CTNNA3: variants seen among roughly 807,000 people sequenced by gnomAD.
CTNNA3 encodes catenin alpha 3.
In CTNNA3, 76 loss-of-function variants were observed where a neutral mutation model predicts 95.7. That is an observed-to-expected ratio of 0.79 (90% CI 0.66 to 0.96). The LOEUF (loss-of-function observed/expected upper bound fraction) is 0.96, where lower values mean the gene tolerates loss of function less well. Ranked by LOEUF, CTNNA3 falls within the 40% of genes least tolerant of loss-of-function variation. The pLI is 0.00. For missense variants in CTNNA3, 1,191 were observed against 1,089.8 expected (o/e 1.09, Z -1.31); for synonymous variants, 431 against 374.4 (o/e 1.15, Z -1.74).
intron 9 of CTNNA3, among the ~76,000 whole-genome samples, chr10:66,684,067 T>C (rs1026732780): frequency 8.5e-5 from 13 of 152,192 alleles, no homozygotes; most frequent in Non-Finnish European, 1.9e-4. Flanking sequence ...TGACTAATTA[T>C]CTAATTTACA....
intron 15 of CTNNA3, among the ~76,000 whole-genome samples, chr10:66,065,235 T>G (rs887463779): frequency 1.1e-4 from 16 of 140,644 alleles, no homozygotes; most frequent in Non-Finnish European, 1.9e-4. Context: ...AAATGGTTTT[T>G]TTTTGTTTTG....
intron 5 of CTNNA3, among the ~76,000 whole-genome samples, chr10:67,477,480 C>G (rs1378340968): frequency 2.0e-5 from 3 of 152,226 alleles, no homozygotes; most frequent in South Asian, 4.1e-4. Context: ...TGACCATAGC[C>G]AGCTTGTAGG....
chr10:66,611,430 A>G (rs1030488070), intron 10 of CTNNA3, among the ~76,000 whole-genome samples: 4 of 152,150 alleles, frequency 2.6e-5, no homozygotes, highest in African/African-American at 9.6e-5. Context: ...ATTAATAAAC[A>G]CACAAATAAA....
intron 7 of CTNNA3, among the ~76,000 whole-genome samples, chr10:66,803,138 T>C (rs1471516249): frequency 1.3e-5 from 2 of 152,056 alleles, no homozygotes; most frequent in East Asian, 3.9e-4. Context: ...GCAAAGGTGT[T>C]GCATCGTTTT....
chr10:66,887,828 T>G (rs1434938746), intron 7 of CTNNA3, among the ~76,000 whole-genome samples: 1 of 152,014 alleles, frequency 6.6e-6, no homozygotes. Context: ...TTCTCTGAGG[T>G]AGTGGAGTGC....
rs980508937 is a variant in CTNNA3 at position 67,741,573 on chromosome 10, C to T, written c.-2+21861G>A. 4.6e-5 allele frequency among the ~76,000 whole-genome samples: 7 copies of T among 151,018 alleles called. No individual in the cohort carries two copies. The East Asian group carries it at 5.8e-4, about 12-fold the overall frequency. On this transcript the variant is annotated intron_variant, in intron 1 of 17. Coordinates refer to the CTNNA3 transcript ENST00000684154. ...AAACATGCCAAATTCTAAAGACCAT[C>T]GAGGCTAGGAAGAAACTGCGTCAAC...
intron 2 of CTNNA3, among the ~76,000 whole-genome samples, chr10:67,620,903 ATGTGTG>A (rs1244995621): frequency 6.3e-5 from 8 of 126,364 alleles, no homozygotes; most frequent in African/African-American, 2.3e-4. Context: ...ATATATGTAT[ATGTGTG>A]TGTGTGTGTG....
chr10:67,747,160 G>A (rs2131744921), intron 1 of CTNNA3, among the ~76,000 whole-genome samples: 1 of 152,314 alleles, frequency 6.6e-6, no homozygotes, highest in Admixed American at 6.5e-5. Flanking sequence ...TGGGTGGGGT[G>A]GCCATGGTCT....
rs186049651 is a variant in CTNNA3, at chr10:66,713,642, G to A, written c.1281+52622C>T. On this transcript the variant is annotated intron_variant, in intron 9 of 17. Transcript: ENST00000433211. Reference sequence around the variant, plus strand: ...AGGTCCACCACAGAGTCTCATTCTTGCTGTTATGTCTGGACTGAACTCAGA... The same window carrying A: ...AGGTCCACCACAGAGTCTCATTCTTACTGTTATGTCTGGACTGAACTCAGA... Among the ~76,000 whole-genome samples, 1,357 of 152,038 alleles carry A rather than the reference G, an allele frequency of 8.9e-3. 14 individuals are homozygous for A. The highest frequency in any genetic ancestry group is 0.012 in the Non-Finnish European group (831 of 67,954).
chr10:66,872,157 C>G (rs957204632), intron 7 of CTNNA3, among the ~76,000 whole-genome samples: 4 of 152,160 alleles, frequency 2.6e-5, no homozygotes, highest in Non-Finnish European at 4.4e-5. Flanking sequence ...TCTTCATGAT[C>G]TTTGCTTATT....
chr10:66,007,060 AT>A (rs1407877166), intron 15 of CTNNA3, among the ~76,000 whole-genome samples: 2 of 152,150 alleles, frequency 1.3e-5, no homozygotes, highest in Non-Finnish European at 2.9e-5. Context: ...GCTATAGGTC[AT>A]TAAATTTTAG....
intron 5 of CTNNA3, among the ~76,000 whole-genome samples, chr10:67,236,174 G>C (rs1471135521): frequency 6.7e-6 from 1 of 148,962 alleles, no homozygotes; most frequent in African/African-American, 2.5e-5. Context: ...TATACCCAAA[G>C]GACTATAAAT....
At chr10:67,162,029 G>A (rs939681058) in intron 7 of CTNNA3, among the ~76,000 whole-genome samples, 8 of 151,898 alleles carry the variant, frequency 5.3e-5, no homozygotes, top group African/African-American at 1.7e-4. Flanking sequence ...TATAGATGAA[G>A]CAAAAACTGA....
intron 5 of CTNNA3, among the ~76,000 whole-genome samples, chr10:67,285,748 T>C (rs1203451649): frequency 6.6e-6 from 1 of 152,214 alleles, no homozygotes; most frequent in Admixed American, 6.5e-5. Context: ...TATGTTTTTA[T>C]ATAATTAATG....
intron 13 of CTNNA3, among the ~76,000 whole-genome samples, chr10:66,162,657 C>A (rs1460877553): frequency 6.6e-6 from 1 of 152,076 alleles, no homozygotes; most frequent in Non-Finnish European, 1.5e-5. Flanking sequence ...TAGCTTTGGT[C>A]ATTTAATGCT....
At chr10:66,957,744 C>T (rs146987085) in intron 7 of CTNNA3, among the ~76,000 whole-genome samples, 5 of 152,042 alleles carry the variant, frequency 3.3e-5, no homozygotes, top group South Asian at 4.2e-4. Flanking sequence ...ATGGCATCAC[C>T]ATCCTAAGGC....
chr10:67,114,709 G>GGTGTGTGTGTGTGTGTGTGTGTGT (rs56772381), intron 7 of CTNNA3, among the ~76,000 whole-genome samples: 1,527 of 144,768 alleles, frequency 0.011, 18 homozygotes, highest in African/African-American at 0.013. Context: ...GGTTCTTAAA[G>GGTGTGTGTGTGTGTGTGTGTGTGT]GTGTGTGTGT....
intron 16 of CTNNA3, among the ~76,000 whole-genome samples, chr10:65,986,246 CATAT>C (rs1414274935): frequency 1.3e-5 from 2 of 149,234 alleles, no homozygotes; most frequent in Non-Finnish European, 3.0e-5. Flanking sequence ...GTACCCCATA[CATAT>C]ATAGACTACC....
chr10:67,574,042 T>G (rs1049983299), intron 3 of CTNNA3, among the ~76,000 whole-genome samples: 5 of 152,166 alleles, frequency 3.3e-5, no homozygotes, highest in African/African-American at 1.2e-4. Flanking sequence ...TCAGTTCAGA[T>G]CTATAAAAAT....
Sources: allele counts gnomAD v4.1 joint callset (sites outside exome capture counted in the v4.1 genomes callset), GRCh38; gene constraint gnomAD v4.1.1; transcripts MANE v1.5; gene names NCBI Gene and HGNC (gene_info 2026-07-23, HGNC 2026-07-21).